TTC28: variants seen among roughly 807,000 people sequenced by gnomAD.
The protein encoded by TTC28 is tetratricopeptide repeat domain 28, also known as tetratricopeptide repeat protein 28.
Under a neutral mutation model 198.0 loss-of-function variants are expected in TTC28, and 61 were observed. The observed-to-expected ratio is 0.31, with a 90% CI of 0.25 to 0.38. The LOEUF (loss-of-function observed/expected upper bound fraction) is 0.38. TTC28 is among the 10% of genes least tolerant of loss of function. The probability of loss-of-function intolerance (pLI) is 1.00; values close to 1 mark genes in which losing one functional copy is unlikely to be tolerated. For missense variants in TTC28, 2,678 were observed against 3,164.0 expected (o/e 0.85, Z 3.69); for synonymous variants, 1,171 against 1,297.8 (o/e 0.90, Z 2.10).
chr22:28,563,396 T>C (rs1457646556), intron 2 of TTC28, among the ~76,000 whole-genome samples: 1 of 152,172 alleles, frequency 6.6e-6, no homozygotes, highest in Non-Finnish European at 1.5e-5. Context: ...ATAAGGTAAG[T>C]AATTCTTGGC....
intron 5 of TTC28, among the ~76,000 whole-genome samples, chr22:28,211,935 C>A (rs1357635089): frequency 6.6e-6 from 1 of 152,094 alleles, no homozygotes; most frequent in Non-Finnish European, 1.5e-5. Context: ...ACTCTCAGAC[C>A]ACAGTGCAAT....
At chr22:28,400,275 A>G (rs2046885131) in intron 2 of TTC28, among the ~76,000 whole-genome samples, 1 of 152,232 alleles carries the variant, frequency 6.6e-6, no homozygotes, top group Non-Finnish European at 1.5e-5. Context: ...CTGCCGTGCC[A>G]GGTATGATCT....
chr22:28,181,793 C>G (rs1161854926), intron 5 of TTC28, among the ~76,000 whole-genome samples: 1 of 152,078 alleles, frequency 6.6e-6, no homozygotes, highest in African/African-American at 2.4e-5. Flanking sequence ...AGACGTTTAC[C>G]AAAGACTGCC....
intron 5 of TTC28, among the ~76,000 whole-genome samples, chr22:28,251,650 C>T (rs895464950): frequency 6.6e-5 from 10 of 152,054 alleles, no homozygotes; most frequent in Non-Finnish European, 1.2e-4. Context: ...TGACCTTAAG[C>T]GATTTATTTA....
intron 2 of TTC28, among the ~76,000 whole-genome samples, chr22:28,308,303 C>T (rs2045184922): frequency 6.6e-6 from 1 of 152,038 alleles, no homozygotes; most frequent in Non-Finnish European, 1.5e-5. Context: ...ACAGTATATT[C>T]CAACTAAAAA....
At chr22:28,478,730 C>CA (rs1297091441) in intron 2 of TTC28, among the ~76,000 whole-genome samples, 3 of 151,732 alleles carry the variant, frequency 2.0e-5, no homozygotes, top group Non-Finnish European at 2.9e-5. Context: ...TACAAAGTTT[C>CA]AAAAAAAATC....
chr22:28,191,228 C>G (rs1042701320), intron 5 of TTC28, among the ~76,000 whole-genome samples: 5 of 152,152 alleles, frequency 3.3e-5, no homozygotes, highest in Non-Finnish European at 4.4e-5. Flanking sequence ...GCTAAAGGTG[C>G]CTTCAAAAAT....
intron 12 of TTC28, among the ~76,000 whole-genome samples, chr22:28,048,452 C>T (rs564981300): frequency 1.6e-4 from 24 of 151,630 alleles, no homozygotes; most frequent in Admixed American, 3.3e-4. Context: ...ATAATTAAGA[C>T]GAAAGAATGA....
At chr22:28,502,469 T>TC (rs1328407946) in intron 2 of TTC28, among the ~76,000 whole-genome samples, 1 of 116,418 alleles carries the variant, frequency 8.6e-6, no homozygotes, top group Non-Finnish European at 1.8e-5. Context: ...TGAAACCCTG[T>TC]CTCTACTAAA....
At chr22:28,654,320 G>C (rs2051609911) in intron 1 of TTC28, among the ~76,000 whole-genome samples, 1 of 152,072 alleles carries the variant, frequency 6.6e-6, no homozygotes, top group Admixed American at 6.6e-5. Context: ...GTGACAAAGG[G>C]CTTAAAATAA....
chr22:28,669,285 T>G (rs1434528923), intron 1 of TTC28, among the ~76,000 whole-genome samples: 4 of 140,142 alleles, frequency 2.9e-5, no homozygotes, highest in Non-Finnish European at 4.6e-5. Flanking sequence ...ACATGTACCC[T>G]AAAACTTAGA....
At position 27,982,090 on chromosome 22, in the gene TTC28, C is replaced by T; in HGVS notation, c.*131G>A. The T allele has an allele frequency of 2.1e-6, 2 of 949,818 alleles. No homozygotes were observed. The highest frequency in any genetic ancestry group is 1.5e-6 in the Non-Finnish European group (1 of 667,610). The allele number at this position is 949,818 out of a possible 1,614,324, so 58.8% of individuals were successfully genotyped here. On this transcript the variant is annotated 3_prime_UTR_variant, in exon 23 of 23. Transcript: ENST00000397906. The surrounding 1 kb of genome is among the most constrained non-coding windows in gnomAD (Gnocchi z 5.2). ...GTGGCAGCCTTTGGACGTGGTGGTG[C>T]CCCTCGCCTGCAGAGCACAGCATCA...
chr22:28,003,620 T>A (rs1387935823), intron 14 of TTC28, among the ~76,000 whole-genome samples: 1 of 152,174 alleles, frequency 6.6e-6, no homozygotes, highest in Non-Finnish European at 1.5e-5. Context: ...GACAAGTCCC[T>A]GGTCATGACA....
chr22:28,184,762 T>C (rs1924039168), intron 5 of TTC28, among the ~76,000 whole-genome samples: 1 of 152,046 alleles, frequency 6.6e-6, no homozygotes, highest in Non-Finnish European at 1.5e-5. Context: ...TTGTTTTAAA[T>C]GAAAATGAAT....
At chr22:28,533,579 C>G (rs1358702426) in intron 2 of TTC28, among the ~76,000 whole-genome samples, 1 of 152,142 alleles carries the variant, frequency 6.6e-6, no homozygotes, top group Non-Finnish European at 1.5e-5. Flanking sequence ...CATATGGAAC[C>G]AAAACAGAGC....
chr22:28,131,137 A>T (rs1250100392), intron 6 of TTC28, among the ~76,000 whole-genome samples: 1 of 152,250 alleles, frequency 6.6e-6, no homozygotes, highest in Non-Finnish European at 1.5e-5. Context: ...CGGTGAATTT[A>T]GAAATCCAAT....
chr22:28,538,833 A>G (rs1206701279), intron 2 of TTC28, among the ~76,000 whole-genome samples: 1 of 152,176 alleles, frequency 6.6e-6, no homozygotes, highest in Non-Finnish European at 1.5e-5. Context: ...AAGTGCTGGG[A>G]TTACAAGCAT....
chr22:28,099,066 A>G (rs1267350939), intron 9 of TTC28, 22 bp from the exon 10 acceptor site: 50 of 1,551,598 alleles, frequency 3.2e-5, no homozygotes, highest in Non-Finnish European at 4.4e-5. Context: ...GAGGAAGAAC[A>G]TCATCCATTC....
chr22:28,399,106 A>T (rs1439818868), intron 2 of TTC28, among the ~76,000 whole-genome samples: 3 of 151,112 alleles, frequency 2.0e-5, no homozygotes, highest in Non-Finnish European at 2.9e-5. Context: ...ATATACTTCA[A>T]CTCTACCAGA....
Sources: gnomAD v4.1 joint callset for allele counts (sites outside exome capture counted in the v4.1 genomes callset) on GRCh38, gnomAD v4.1.1 for gene constraint, Gnocchi (gnomAD v3.1) non-coding constraint, MANE v1.5 for transcripts, NCBI Gene and HGNC (gene_info 2026-07-23, HGNC 2026-07-21) for gene names.